The following FAM118A variants were observed in gnomAD, a reference collection of about 807,000 sequenced individuals.
FAM118A encodes the protein protein FAM118A.
Under a neutral mutation model 38.2 loss-of-function variants are expected in FAM118A, and 25 were observed. That is an observed-to-expected ratio of 0.65 (90% confidence interval 0.48 to 0.91). The LOEUF is 0.91. Among genes scored for constraint, FAM118A ranks in the 40% least tolerant of loss-of-function variants. FAM118A has a pLI of 0.00. For synonymous variants in FAM118A, 178 were observed against 184.1 expected (o/e 0.97, Z 0.27); for missense variants, 425 against 463.3 (o/e 0.92, Z 0.76).
chr22:45,321,501 C>T (rs2084876451), intron 1 of FAM118A: 1 of 152,156 alleles, frequency 6.6e-6, no homozygotes, highest in African/African-American at 2.4e-5. Flanking sequence ...ATTGCAGTCT[C>T]AACCTCCCAG....
Position 45,332,769 on chromosome 22 carries a change from G to A in FAM118A, c.937+59G>A, listed in dbSNP as rs191246917. 82 of 1,467,230 alleles carry A rather than the reference G, an allele frequency of 5.6e-5. No individual in the cohort carries two copies. The African/African-American group carries it at 9.5e-4, about 17-fold the overall frequency. The allele number at this position is 1,467,230 out of a possible 1,614,324, so 90.9% of individuals were successfully genotyped here. On this transcript the variant is annotated intron_variant, in intron 6 of 8. Transcript: ENST00000441876. ...CTTTTTTCTTTTTTTTTTTTGAGAC[G>A]GAGTTTTGCTCTTGTTGCCCAGGCT...
intron 1 of FAM118A, among the ~76,000 whole-genome samples, chr22:45,320,231 G>A (rs904599720): frequency 3.9e-5 from 6 of 152,046 alleles, no homozygotes; most frequent in African/African-American, 7.2e-5. Flanking sequence ...TTGGGAGGCC[G>A]ATGCAGGCGG....
intron 6 of FAM118A, among the ~76,000 whole-genome samples, chr22:45,333,598 C>T (rs555292540): frequency 5.3e-4 from 79 of 147,928 alleles, no homozygotes; most frequent in African/African-American, 1.7e-3. Context: ...GGCATGAACC[C>T]GGGAGGCAGA....
At chr22:45,323,096 C>G (rs905160436) in intron 2 of FAM118A, 79 bp from the exon 3 acceptor site, 19 of 1,509,242 alleles carry the variant, frequency 1.3e-5, no homozygotes, top group Admixed American at 1.8e-5. Context: ...AAGGCCGGAA[C>G]TCGCAGACAG....
At chr22:45,331,446 G>A (rs2085711726) in intron 5 of FAM118A, among the ~76,000 whole-genome samples, 1 of 152,174 alleles carries the variant, frequency 6.6e-6, no homozygotes, top group African/African-American at 2.4e-5. Flanking sequence ...CATGATCAAA[G>A]CTCACTGCTT....
rs2086006150 is a variant in FAM118A at position 45,335,273 on chromosome 22, G to A, written c.938-77G>A. 10 of 1,563,572 alleles carry A rather than the reference G, an allele frequency of 6.4e-6. No individual in the cohort carries two copies. The Admixed American group carries it at 1.7e-4, about 26-fold the overall frequency. On this transcript the variant is annotated intron_variant, in intron 6 of 8. Coordinates refer to ENST00000441876, the MANE Select transcript of FAM118A (RefSeq NM_017911.4). Reference sequence around the variant, plus strand: ...CTGTTCCCAGTCCCTGCCGTTCCCAGTCACTGCCTCAGGGTGGCCGAGGAG... The same window carrying A: ...CTGTTCCCAGTCCCTGCCGTTCCCAATCACTGCCTCAGGGTGGCCGAGGAG...
intron 4 of FAM118A, chr22:45,328,465 C>A: frequency 1.1e-6 from 1 of 874,880 alleles, no homozygotes; most frequent in Non-Finnish European, 2.0e-6. Flanking sequence ...CACTTTGTAG[C>A]AGTGAATTAC....
intron 8 of FAM118A, among the ~76,000 whole-genome samples, chr22:45,338,628 A>G (rs1164137628): frequency 6.6e-6 from 1 of 152,258 alleles, no homozygotes; most frequent in Admixed American, 6.5e-5. Context: ...ACTCTACTAC[A>G]TTCCTGAAAA....
At chr22:45,329,956 A>G (rs1004188026) in intron 4 of FAM118A, 4 of 152,246 alleles carry the variant, frequency 2.6e-5, no homozygotes, top group Non-Finnish European at 4.4e-5. Flanking sequence ...GTATCTTGAT[A>G]AGGTCCTGCG....
chr22:45,324,055 T>C (rs1041574393), intron 3 of FAM118A, among the ~76,000 whole-genome samples: 1 of 152,210 alleles, frequency 6.6e-6, no homozygotes, highest in African/African-American at 2.4e-5. Context: ...ATTGTCTTCT[T>C]CTGCTCTTGT....
chr22:45,327,750 T>C, intron 3 of FAM118A, 92 bp from the exon 4 acceptor site: 1 of 1,304,830 alleles, frequency 7.7e-7, no homozygotes, highest in Admixed American at 1.9e-5. Flanking sequence ...TTTCAGCCGC[T>C]GTATCTCTGG....
Position 45,340,563 on chromosome 22 carries a change from TGA to T in FAM118A, c.*162_*163del. ...TGGGCATGTGGCCCTCAAGGCTGGG[TGA>T]GAGGGCTCCCCTGTGTGTTGAACTA... On this transcript the variant is annotated 3_prime_UTR_variant, in exon 9 of 9. Transcript: ENST00000441876. 1 of 806,988 alleles carries T rather than the reference TGA, an allele frequency of 1.2e-6. No individual in the cohort carries two copies. Among genetic ancestry groups the T allele is most frequent in the Non-Finnish European group, 2.1e-6 (1 of 475,698 alleles). The allele number at this position is 806,988 out of a possible 1,614,324, so 50.0% of individuals were successfully genotyped here. A position where few individuals can be genotyped will look rare whatever the true frequency, so the allele number is the denominator to read the frequency against.
intron 1 of FAM118A, among the ~76,000 whole-genome samples, chr22:45,317,786 G>A (rs1031406015): frequency 2.0e-5 from 3 of 152,228 alleles, no homozygotes; most frequent in African/African-American, 4.8e-5. Context: ...ATGGTACCTC[G>A]GCTGCCCACC....
At chr22:45,316,109 G>A (rs780983191) in intron 1 of FAM118A, among the ~76,000 whole-genome samples, 11 of 151,964 alleles carry the variant, frequency 7.2e-5, no homozygotes, top group Non-Finnish European at 1.5e-4. Context: ...GCACGATCTC[G>A]GCTCACTGCA....
rs559899351 is a variant in FAM118A at position 45,338,008 on chromosome 22, C to G, written c.1054+1597C>G. 1.1e-4 allele frequency: 57 copies of G among 517,886 alleles called. No individual in the cohort carries two copies. The South Asian group carries it at 4.3e-3, about 39-fold the overall frequency. The allele number at this position is 517,886 out of a possible 1,614,324, so 32.1% of individuals were successfully genotyped here. A position where few individuals can be genotyped will look rare whatever the true frequency, so the allele number is the denominator to read the frequency against. On this transcript the variant is annotated intron_variant, in intron 8 of 8. Transcript: ENST00000441876. ...TTTTCCTGGGAGTTTTTAGGATCCT[C>G]TTTTCCCTTGATTAGAAATTCAATG...
intron 3 of FAM118A, among the ~76,000 whole-genome samples, chr22:45,324,378 C>G (rs753312691): frequency 6.6e-6 from 1 of 151,964 alleles, no homozygotes; most frequent in African/African-American, 2.4e-5. Context: ...GATGTGCGTG[C>G]GCGGGGAGTG....
chr22:45,336,261 T>G, intron 7 of FAM118A, 67 bp from the exon 8 acceptor site: 2 of 1,330,164 alleles, frequency 1.5e-6, no homozygotes, highest in Non-Finnish European at 2.1e-6. Flanking sequence ...TAAGGTCACA[T>G]TATGAACTGT....
Position 45,323,230 on chromosome 22 carries a change from G to C in FAM118A, c.103G>C (p.Gly35Arg). ...GCCCCAGGAACTGCTCCTGGTTATC[G>C]GGACTGGCGTCAGCGCAGCAGTGGC... is the stretch of plus-strand genomic sequence containing the variant. ...KQPQELLLVI[G>R]TGVSAAVAPG... The change falls in exon 3 of 9, where the codon GGG becomes CGG. Residue 35 changes from glycine to arginine, a missense_variant. Physicochemically the swap from Gly to Arg is moderately radical, Grantham distance 125. Coordinates refer to ENST00000441876, the MANE Select transcript of FAM118A (RefSeq NM_017911.4). 2 of 1,614,162 alleles carry C rather than the reference G, an allele frequency of 1.2e-6. No individual in the cohort carries two copies. The highest frequency in any genetic ancestry group is 1.7e-6 in the Non-Finnish European group (2 of 1,180,020).
Position 45,340,624 on chromosome 22 carries a change from A to T in FAM118A, c.*219A>T. 1 of 593,864 alleles carries T rather than the reference A, an allele frequency of 1.7e-6. No individual in the cohort carries two copies. Among genetic ancestry groups the T allele is most frequent in the Non-Finnish European group, 3.0e-6 (1 of 333,646 alleles). The allele number at this position is 593,864 out of a possible 1,614,324, so 36.8% of individuals were successfully genotyped here. A position where few individuals can be genotyped will look rare whatever the true frequency, so the allele number is the denominator to read the frequency against. ...GGTGACGCGGACACATTTCAGGTGG[A>T]CTTTGCAAGGACTGATGGATAGCTA... On this transcript the variant is annotated 3_prime_UTR_variant, in exon 9 of 9. Transcript: ENST00000441876.
Sources: allele counts gnomAD v4.1 joint callset (sites outside exome capture counted in the v4.1 genomes callset), GRCh38; gene constraint gnomAD v4.1.1; transcripts MANE v1.5; gene names NCBI Gene and HGNC (gene_info 2026-07-23, HGNC 2026-07-21).